Variants in UROC1 observed in about 807,000 individuals in gnomAD.
UROC1 encodes urocanate hydratase 1.
Under a neutral mutation model 89.5 loss-of-function variants are expected in UROC1, and 79 were observed. That is an observed-to-expected ratio of 0.88 (90% CI 0.74 to 1.06). UROC1 has a LOEUF of 1.06. UROC1 is among the 50% of genes least tolerant of loss of function. The pLI is 0.00. For synonymous variants in UROC1, 361 were observed against 354.8 expected (o/e 1.02, Z -0.20); for missense variants, 885 against 907.8 (o/e 0.97, Z 0.32).
intron 16 of UROC1, among the ~76,000 whole-genome samples, chr3:126,491,774 G>T (rs1935660046): frequency 6.6e-6 from 1 of 152,226 alleles, no homozygotes. Context: ...AAAAGCTAGG[G>T]AAGTTTGCCA....
intron 16 of UROC1, 136 bp from the exon 17 acceptor site, chr3:126,489,511 T>C: frequency 4.1e-6 from 3 of 724,474 alleles, no homozygotes; most frequent in Non-Finnish European, 4.9e-6. Flanking sequence ...TTCACAACTA[T>C]TTCTGATGTC....
intron 9 of UROC1, chr3:126,501,948 C>T: frequency 6.3e-7 from 1 of 1,588,710 alleles, no homozygotes; most frequent in Non-Finnish European, 8.5e-7. Flanking sequence ...GCTGAAGGAC[C>T]CTGTGGGAAC....
rs1489899022 is a variant in UROC1, at chr3:126,498,917, C to T, written c.1316+420G>A. On this transcript the variant is annotated intron_variant, in intron 13 of 19. Coordinates refer to ENST00000290868, the MANE Select transcript of UROC1 (RefSeq NM_144639.3). ...CTCATCCCCTGCTTGTCCTGGGCTG[C>T]TGGCCTTCCCTAGACCTGCACCCCC... Among the ~76,000 whole-genome samples, 3 of 152,136 alleles carry T rather than the reference C, an allele frequency of 2.0e-5. No homozygotes were observed. The East Asian group carries it at 5.8e-4, about 29-fold the overall frequency.
chr3:126,484,859 A>G (rs752883680), intron 18 of UROC1, among the ~76,000 whole-genome samples: 16 of 152,230 alleles, frequency 1.1e-4, no homozygotes, highest in Non-Finnish European at 1.9e-4. Context: ...AGCAACAGCC[A>G]TGCCCAGGCC....
chr3:126,507,024 A>G (rs1936077490), intron 6 of UROC1, among the ~76,000 whole-genome samples: 1 of 151,976 alleles, frequency 6.6e-6, no homozygotes, highest in Admixed American at 6.6e-5. Context: ...GGTTGCAGTG[A>G]GCCGAGATCA....
At position 126,500,733 on chromosome 3, in the gene UROC1, G is replaced by T; in HGVS notation, c.1107C>A (p.Ala369=). Reference sequence around the variant, plus strand: ...GGTCCTTGAACACAGCAGGGTTGGAGGCCATGAGGCTCTGGGCCTCCGTGA... The same window carrying T: ...GGTCCTTGAACACAGCAGGGTTGGATGCCATGAGGCTCTGGGCCTCCGTGA... ...LSFTEAQSLM[A]SNPAVFKDLV... The change falls in exon 11 of 20, where the codon GCC becomes GCA. Residue 369 remains alanine (A), a synonymous_variant. Coordinates refer to ENST00000290868, the MANE Select transcript of UROC1 (RefSeq NM_144639.3). 1 of 1,614,130 alleles carries T rather than the reference G, an allele frequency of 6.2e-7. No individual in the cohort carries two copies. Among genetic ancestry groups the T allele is most frequent in the South Asian group, 1.1e-5 (1 of 91,088 alleles).
chr3:126,516,641 A>C (rs1262814205), intron 1 of UROC1, among the ~76,000 whole-genome samples: 2 of 9,020 alleles, frequency 2.2e-4, no homozygotes, highest in Admixed American at 1.5e-3. Context: ...CCAGTGCCCC[A>C]CTCCCACAAG....
intron 1 of UROC1, among the ~76,000 whole-genome samples, chr3:126,513,322 C>G (rs1936233054): frequency 6.6e-6 from 1 of 152,262 alleles, no homozygotes; most frequent in Non-Finnish European, 1.5e-5. Context: ...ATTTGAGTCA[C>G]TCCTGTTCCT....
intron 16 of UROC1, 145 bp from the exon 17 acceptor site, chr3:126,489,520 T>C (rs1935597085): frequency 5.6e-6 from 4 of 709,444 alleles, no homozygotes; most frequent in Non-Finnish European, 1.0e-5. Context: ...ATTTCTGATG[T>C]CATCTGTAGC....
chr3:126,491,352 A>T (rs747290170), intron 16 of UROC1, among the ~76,000 whole-genome samples: 50 of 152,334 alleles, frequency 3.3e-4, no homozygotes, highest in Non-Finnish European at 4.1e-4. Context: ...GGTGGTTAGG[A>T]CACGCTGCAC....
rs775352747 is a variant in UROC1 at position 126,489,238 on chromosome 3, T to C, written c.1708+38A>G. The C allele has an allele frequency of 1.3e-5, 20 of 1,549,884 alleles. 1 individual carries two copies. In the Middle Eastern group the frequency reaches 1.0e-3, roughly 78 times the overall value. ...GCATCAATTTTTAATAAAATCCAAA[T>C]CTAAGATGAAAGTTTAAGACATTCT... On this transcript the variant is annotated intron_variant, in intron 17 of 19. Transcript: ENST00000290868.
chr3:126,514,350 C>T (rs1438092932), intron 1 of UROC1, among the ~76,000 whole-genome samples: 1 of 152,150 alleles, frequency 6.6e-6, no homozygotes, highest in Non-Finnish European at 1.5e-5. Context: ...GAAAAGGTCA[C>T]CAGGAGAAAC....
At chr3:126,497,908 C>G in intron 14 of UROC1, 143 bp downstream of exon 14, 7 of 1,410,396 alleles carry the variant, frequency 5.0e-6, no homozygotes, top group Non-Finnish European at 6.9e-6. Context: ...GCCAGCTGAG[C>G]ACCCACCAGA....
intron 8 of UROC1, 117 bp downstream of exon 8, chr3:126,505,583 TG>T (rs1936034581): frequency 8.2e-6 from 12 of 1,457,378 alleles, no homozygotes; most frequent in Admixed American, 4.5e-5. Flanking sequence ...AAGGGTGGCC[TG>T]GGCAAGGAAG....
chr3:126,482,447 A>T lies in UROC1; in HGVS notation c.1929T>A (p.Tyr643Ter), dbSNP rs1204454639. The T allele has an allele frequency of 1.2e-6, 2 of 1,612,298 alleles. No individual in the cohort carries two copies. The highest frequency in any genetic ancestry group is 2.2e-5 in the East Asian group (1 of 44,822). ...CCTGCATGGTCTGGCAGATGATCTC[A>T]TAGGCCTTCTGGTTCCCTGACCAGC... is the stretch of plus-strand genomic sequence containing the variant. ...RRCWSGNQKAYEIICQTMQEN... is the reference protein window; with the variant it reads ...RRCWSGNQKA Residue 643 changes from tyrosine (Y) to a stop codon, truncating the protein, a stop_gained, in exon 20 of 20, where the codon TAT becomes TAA. Transcript: ENST00000290868. LOFTEE classifies it high-confidence loss of function.
rs761632982 is a variant in UROC1, at chr3:126,510,714, T to C, written c.207A>G (p.Gln69=). ...LLAPEFAQEL[Q]LYGHIYMYRF... ...GGTACATGTAGATGTGTCCGTACAGTTGCAGCTCCTGGGCAAACTCTGGGG... is the reference window on the plus strand; with the variant it reads ...GGTACATGTAGATGTGTCCGTACAGCTGCAGCTCCTGGGCAAACTCTGGGG... Residue 69 remains glutamine, a synonymous_variant, in exon 2 of 20, where the codon CAA becomes CAG. Coordinates refer to ENST00000290868, the MANE Select transcript of UROC1 (RefSeq NM_144639.3). The C allele has an allele frequency of 6.2e-7, 1 of 1,614,206 alleles. No individual in the cohort carries two copies. Among genetic ancestry groups the C allele is most frequent in the Admixed American group, 1.7e-5 (1 of 60,030 alleles).
chr3:126,490,156 G>A (rs1935609303), intron 16 of UROC1, among the ~76,000 whole-genome samples: 1 of 152,260 alleles, frequency 6.6e-6, no homozygotes, highest in African/African-American at 2.4e-5. Flanking sequence ...TCTCTCTGAG[G>A]ACAAAGACTT....
chr3:126,504,045 G>T lies in UROC1; in HGVS notation c.852C>A (p.Gly284=). Residue 284 remains glycine, a synonymous_variant, in exon 9 of 20, where the codon GGC becomes GGA. Transcript: ENST00000290868. The part of the protein sequence containing the change: ...KAALEKRHRQ[G]WLMEVTDSLD... ...AGCTGTCAGTCACTTCCATCAGCCA[G>T]CCCTGCCTGTGGCGTTTCTCAAGGG... is the stretch of plus-strand genomic sequence containing the variant. The T allele has an allele frequency of 1.2e-6, 2 of 1,614,136 alleles. No individual in the cohort carries two copies. Among genetic ancestry groups the T allele is most frequent in the Non-Finnish European group, 1.7e-6 (2 of 1,180,036 alleles).
chr3:126,504,178 C>T (rs1936003542), intron 8 of UROC1, 95 bp from the exon 9 acceptor site: 2 of 1,245,968 alleles, frequency 1.6e-6, no homozygotes, highest in Non-Finnish European at 2.3e-6. Context: ...GTGTCATCCC[C>T]TGTAGGTCCC....
Sources: gnomAD v4.1 joint callset for allele counts (sites outside exome capture counted in the v4.1 genomes callset) on GRCh38, gnomAD v4.1.1 for gene constraint, MANE v1.5 for transcripts, NCBI Gene and HGNC (gene_info 2026-07-23, HGNC 2026-07-21) for gene names.